VCPKMT: variants seen among roughly 807,000 people sequenced by gnomAD.
VCPKMT encodes valosin containing protein lysine methyltransferase.
VCPKMT carries 32 observed loss-of-function variants against 28.6 expected under a neutral mutation model. The observed-to-expected ratio is 1.12, with a 90% CI of 0.84 to 1.50. The LOEUF (loss-of-function observed/expected upper bound fraction) is 1.50, where lower values mean the gene tolerates loss of function less well. Ranked by LOEUF, VCPKMT falls within the 40% of genes most tolerant of loss-of-function variation. VCPKMT has a pLI of 0.00. For missense variants in VCPKMT, 366 were observed against 285.0 expected, an observed-to-expected ratio of 1.28 and a Z score of -2.05; for synonymous variants, 138 against 111.4, an observed-to-expected ratio of 1.24 and a Z score of -1.50.
Position 50,109,321 on chromosome 14 carries a change from A to G in VCPKMT, c.*378T>C, listed in dbSNP as rs1882480518. Reference sequence around the variant, plus strand: ...ATTTAAAACATTATTATATAATAGCAGATAGTTCTCTTCAGAAATTTATCT... The same window carrying G: ...ATTTAAAACATTATTATATAATAGCGGATAGTTCTCTTCAGAAATTTATCT... On this transcript the variant is annotated 3_prime_UTR_variant, in exon 6 of 6. Transcript: ENST00000395860. 2.0e-6 allele frequency: 2 copies of G among 1,012,846 alleles called. No individual in the cohort carries two copies. Among genetic ancestry groups the G allele is most frequent in the African/African-American group, 3.4e-5 (2 of 58,466 alleles). 62.7% of individuals were successfully genotyped at this position (1,012,846 alleles called of 1,614,324 possible). A position where few individuals can be genotyped will look rare whatever the true frequency, so the allele number is the denominator to read the frequency against.
downstream of VCPKMT, among the ~76,000 whole-genome samples, chr14:50,106,946 C>G (rs1163153967): frequency 6.6e-6 from 1 of 152,180 alleles, no homozygotes; most frequent in Admixed American, 6.6e-5. Flanking sequence ...TCTCAAGCTC[C>G]TGGGCTCAAG....
In VCPKMT at chr14:50,116,411, CA is replaced by C; in HGVS notation, c.141del (p.Ile47MetfsTer20). On this transcript the variant is annotated frameshift_variant, in exon 1 of 6. Transcript: ENST00000395860. LOFTEE classifies it high-confidence loss of function. Reference protein sequence around the residue: ...GVGCVVWDAAIVLSKYLETPE... With the variant: ...GVGCVVWDAAXVLSKYLETPE... ...GGCGTTTCCAGGTATTTAGAAAGGA[CA>C]ATGGCAGCGTCCCACACAACGCAAC... is the stretch of plus-strand genomic sequence containing the variant. 6.2e-7 allele frequency: 1 copy of C among 1,614,018 alleles called. No homozygotes were observed. The highest frequency in any genetic ancestry group is 2.2e-5 in the East Asian group (1 of 44,890).
chr14:50,107,108 A>G (rs924627772), downstream of VCPKMT, among the ~76,000 whole-genome samples: 38 of 151,916 alleles, frequency 2.5e-4, no homozygotes, highest in African/African-American at 8.9e-4. Context: ...CTAACAATGG[A>G]CTCCTCCGAA....
chr14:50,115,032 T>C (rs933777414), intron 3 of VCPKMT, among the ~76,000 whole-genome samples: 1 of 152,290 alleles, frequency 6.6e-6, no homozygotes, highest in Non-Finnish European at 1.5e-5. Context: ...TTTAATCTAA[T>C]TTGGGATTTA....
At chr14:50,105,853 A>G (rs1882302952), downstream of VCPKMT, among the ~76,000 whole-genome samples, 1 of 152,144 alleles carries the variant, frequency 6.6e-6, no homozygotes, top group African/African-American at 2.4e-5. Flanking sequence ...GAGTAGCATC[A>G]CCTTTGCCTT....
chr14:50,115,897 T>A lies in VCPKMT; in HGVS notation c.392A>T (p.Glu131Val). Residue 131 changes from glutamate (E) to valine (V), a missense_variant, in exon 3 of 6, where the codon GAA (glutamate) becomes GTA (valine). Coordinates refer to ENST00000395860, the MANE Select transcript of VCPKMT (RefSeq NM_024558.3). The stretch of plus-strand genomic sequence containing the variant: ...GAAGTCGGGTGGAGAAGGAAAGCCT[T>A]CTATTTCTTCCCCCCTTAAAAATGC... ...AKVLKWGEEI[E>V]GFPSPPDFIL... The A allele has an allele frequency of 6.2e-7, 1 of 1,613,502 alleles. No homozygotes were observed. The highest frequency in any genetic ancestry group is 8.5e-7 in the Non-Finnish European group (1 of 1,179,480).
chr14:50,111,313 T>G (rs1427779149), intron 5 of VCPKMT: 3 of 985,312 alleles, frequency 3.0e-6, no homozygotes, highest in Non-Finnish European at 3.6e-6. Flanking sequence ...GTTTTTTTTG[T>G]ATCTGTGGCA....
At chr14:50,109,827 CTACATGCAATT>C in intron 5 of VCPKMT, 114 bp from the exon 6 acceptor site, 1 of 1,237,832 alleles carries the variant, frequency 8.1e-7, no homozygotes, top group Non-Finnish European at 1.1e-6. Flanking sequence ...ATAACAGTGG[CTACATGCAATT>C]CAAGTGAACA....
At chr14:50,113,869 C>T (rs1882902502) in intron 4 of VCPKMT, among the ~76,000 whole-genome samples, 1 of 142,914 alleles carries the variant, frequency 7.0e-6, no homozygotes, top group Non-Finnish European at 1.5e-5. Flanking sequence ...TGAGCCCTGA[C>T]TGTGCCACTG....
chr14:50,114,284 C>T lies in VCPKMT; in HGVS notation c.570+1G>A. The T allele has an allele frequency of 6.3e-7, 1 of 1,581,862 alleles. No homozygotes were observed. The highest frequency in any genetic ancestry group is 8.6e-7 in the Non-Finnish European group (1 of 1,168,974). On this transcript the variant is annotated splice_donor_variant, in intron 4 of 5. Transcript: ENST00000395860. LOFTEE classifies it high-confidence loss of function. Reference sequence around the variant, plus strand: ...AAGATAATAGAGTACTTAATACTTACCTCAAAATATTTTTTCTCAATTTCT... The same window carrying T: ...AAGATAATAGAGTACTTAATACTTATCTCAAAATATTTTTTCTCAATTTCT...
At chr14:50,113,742 A>G (rs896908950) in intron 4 of VCPKMT, among the ~76,000 whole-genome samples, 1 of 139,684 alleles carries the variant, frequency 7.2e-6, no homozygotes, top group Non-Finnish European at 1.5e-5. Flanking sequence ...AAAAAATACA[A>G]AAAGTTAGCC....
At chr14:50,111,011 T>C (rs886199957) in intron 5 of VCPKMT, 1 of 292,610 alleles carries the variant, frequency 3.4e-6, no homozygotes, top group Non-Finnish European at 5.1e-6. Flanking sequence ...AGGGAGTGAC[T>C]GCTAATGGGT....
chr14:50,111,042 G>T (rs1882618375), intron 5 of VCPKMT: 3 of 496,948 alleles, frequency 6.0e-6, no homozygotes, highest in African/African-American at 2.1e-5. Flanking sequence ...TCTGGGGGGT[G>T]AAATCATTAA....
chr14:50,112,956 T>C (rs1594939402), intron 4 of VCPKMT, among the ~76,000 whole-genome samples: 1 of 152,220 alleles, frequency 6.6e-6, no homozygotes, highest in South Asian at 2.1e-4. Context: ...CCCAGCTAAT[T>C]TTTGTATTTT....
chr14:50,108,243 G>T (rs1342259590), downstream of VCPKMT, among the ~76,000 whole-genome samples: 5 of 151,026 alleles, frequency 3.3e-5, no homozygotes, highest in East Asian at 9.7e-4. Flanking sequence ...ACTGGAGGGT[G>T]AAAAGACATT....
At chr14:50,110,166 G>C (rs1594934744) in intron 5 of VCPKMT, among the ~76,000 whole-genome samples, 1 of 152,260 alleles carries the variant, frequency 6.6e-6, no homozygotes, top group East Asian at 1.9e-4. Flanking sequence ...AGAATCACTT[G>C]AACCTGGGAG....
chr14:50,115,667 G>C (rs1236016602), intron 3 of VCPKMT, among the ~76,000 whole-genome samples, 172 bp downstream of exon 3: 1 of 152,188 alleles, frequency 6.6e-6, no homozygotes, highest in East Asian at 1.9e-4. Flanking sequence ...GTATGATAAT[G>C]ATGAGCGTAT....
intron 5 of VCPKMT, 39 bp from the exon 6 acceptor site, chr14:50,109,752 C>T (rs774791013): frequency 6.3e-6 from 10 of 1,581,914 alleles, no homozygotes; most frequent in Non-Finnish European, 8.6e-6. Context: ...GATTGATTTA[C>T]CACAAACTAT....
chr14:50,114,600 C>G (rs1030367143), intron 3 of VCPKMT, among the ~76,000 whole-genome samples, 196 bp from the exon 4 acceptor site: 1 of 152,138 alleles, frequency 6.6e-6, no homozygotes, highest in Non-Finnish European at 1.5e-5. Flanking sequence ...CTTTGGAAGG[C>G]AGAGGTGGAA....
Sources: allele counts gnomAD v4.1 joint callset (sites outside exome capture counted in the v4.1 genomes callset), GRCh38; gene constraint gnomAD v4.1.1; transcripts MANE v1.5; gene names NCBI Gene and HGNC (gene_info 2026-07-23, HGNC 2026-07-21).